Variants in TCF4 observed in about 807,000 individuals in gnomAD.
TCF4 encodes SL3-3 enhancer factor 2.
TCF4 carries 3 observed loss-of-function variants against 82.1 expected under a neutral mutation model. The ratio of observed to expected loss-of-function variants is 0.04; its 90% confidence interval spans 0.02 to 0.09. TCF4 has a LOEUF of 0.09. Among genes scored for constraint, TCF4 ranks in the 10% least tolerant of loss-of-function variants. TCF4 has a pLI of 1.00. For synonymous variants in TCF4, 276 were observed against 309.6 expected (o/e 0.89, Z 1.14); for missense variants, 518 against 852.7 (o/e 0.61, Z 4.89).
At chr18:55,288,981 A>T (rs564164203) in intron 8 of TCF4, among the ~76,000 whole-genome samples, 1 of 152,202 alleles carries the variant, frequency 6.6e-6, no homozygotes, top group Admixed American at 6.5e-5. Flanking sequence ...ATACTTCTTT[A>T]TATTTTTACA....
At chr18:55,407,754 T>C (rs2094166065) in intron 5 of TCF4, among the ~76,000 whole-genome samples, 1 of 152,150 alleles carries the variant, frequency 6.6e-6, no homozygotes, top group Admixed American at 6.6e-5. Context: ...TTGAGGGTGA[T>C]ATGGTTAACA....
intron 5 of TCF4, chr18:55,404,132 C>T (rs187598991): frequency 1.5e-6 from 1 of 683,580 alleles, no homozygotes; most frequent in Non-Finnish European, 1.9e-6. Flanking sequence ...CAGATTCCAC[C>T]AATAGACCCA....
At chr18:55,366,561 T>C (rs1451338158) in intron 6 of TCF4, among the ~76,000 whole-genome samples, 15 of 152,260 alleles carry the variant, frequency 9.9e-5, no homozygotes, top group Middle Eastern at 3.2e-3. Flanking sequence ...CTTAAAGGCA[T>C]GGCTTAAAAG....
At chr18:55,461,176 C>T in intron 4 of TCF4, 61 bp from the exon 5 acceptor site, 1 of 1,378,692 alleles carries the variant, frequency 7.3e-7, no homozygotes, top group Non-Finnish European at 1.0e-6. Context: ...CATAAACAAA[C>T]ATAGCTCCAC....
At chr18:55,448,261 A>G (rs2095560595) in intron 5 of TCF4, among the ~76,000 whole-genome samples, 1 of 152,220 alleles carries the variant, frequency 6.6e-6, no homozygotes, top group Non-Finnish European at 1.5e-5. Context: ...TTATTTTTCT[A>G]CAGGCGGGAA....
At chr18:55,483,659 A>G (rs2096474365) in intron 3 of TCF4, among the ~76,000 whole-genome samples, 1 of 152,188 alleles carries the variant, frequency 6.6e-6, no homozygotes, top group African/African-American at 2.4e-5. Context: ...GATTTGATAC[A>G]TATTATATAA....
At chr18:55,430,781 G>T (rs144434427) in intron 5 of TCF4, among the ~76,000 whole-genome samples, 105 of 152,336 alleles carry the variant, frequency 6.9e-4, no homozygotes, top group African/African-American at 2.4e-3. Flanking sequence ...CACTCTAGGA[G>T]ATGCCAAACT....
chr18:55,356,823 T>C (rs1174138054), intron 6 of TCF4, among the ~76,000 whole-genome samples: 1 of 152,216 alleles, frequency 6.6e-6, no homozygotes, highest in Non-Finnish European at 1.5e-5. Flanking sequence ...ATGCACTCCA[T>C]AGGTTTGGTT....
chr18:55,338,699 T>C (rs531337626), intron 8 of TCF4, among the ~76,000 whole-genome samples: 115 of 152,126 alleles, frequency 7.6e-4, no homozygotes, highest in African/African-American at 2.7e-3. Context: ...TGAAGTATTC[T>C]CCCCCCCACA....
At chr18:55,578,622 A>T (rs983456001) in intron 3 of TCF4, among the ~76,000 whole-genome samples, 13 of 152,108 alleles carry the variant, frequency 8.5e-5, no homozygotes, top group African/African-American at 2.9e-4. Flanking sequence ...TCAAAGAGAC[A>T]TTCTGGCACA....
At chr18:55,455,052 T>C (rs1246114367) in intron 5 of TCF4, among the ~76,000 whole-genome samples, 1 of 151,006 alleles carries the variant, frequency 6.6e-6, no homozygotes, top group East Asian at 1.9e-4. Flanking sequence ...CCAGATGTGG[T>C]GGTGTACACC....
chr18:55,520,598 G>A (rs1376640330), intron 3 of TCF4, among the ~76,000 whole-genome samples: 6 of 152,120 alleles, frequency 3.9e-5, no homozygotes, highest in African/African-American at 1.4e-4. Flanking sequence ...AAAGCTGATT[G>A]AGTTACATTT....
intron 2 of TCF4, among the ~76,000 whole-genome samples, chr18:55,627,383 A>C (rs2147998027): frequency 1.3e-5 from 2 of 152,280 alleles, no homozygotes; most frequent in South Asian, 4.1e-4. Flanking sequence ...CATGAAAAAA[A>C]GTCTCATAGA....
chr18:55,339,589 T>C (rs2147929281), intron 8 of TCF4, among the ~76,000 whole-genome samples: 1 of 152,284 alleles, frequency 6.6e-6, no homozygotes, highest in Non-Finnish European at 1.5e-5. Context: ...CCGAGGAATC[T>C]AACTCAGTGC....
In TCF4 at chr18:55,581,932, T is replaced by C. The variant is rs2097578840; in HGVS notation, c.145+3348A>G. ...AGTCACAGGGGAAAAAGCTCAACTTTTAAACTAAGGGAGAAAGATGTAGTA... is the reference window on the plus strand; with the variant it reads ...AGTCACAGGGGAAAAAGCTCAACTTCTAAACTAAGGGAGAAAGATGTAGTA... On this transcript the variant is annotated intron_variant, in intron 3 of 19. Coordinates refer to ENST00000354452, the MANE Select transcript of TCF4 (RefSeq NM_001083962.2). Among the ~76,000 whole-genome samples, 3 of 152,046 alleles carry C rather than the reference T, an allele frequency of 2.0e-5. No individual in the cohort carries two copies. In the South Asian group the frequency reaches 6.2e-4, roughly 32 times the overall value.
At chr18:55,241,119 C>G (rs550270043) in intron 15 of TCF4, among the ~76,000 whole-genome samples, 1 of 152,214 alleles carries the variant, frequency 6.6e-6, no homozygotes, top group African/African-American at 2.4e-5. Flanking sequence ...TGAAACTCCC[C>G]TGGATGTTCA....
intron 8 of TCF4, chr18:55,321,801 CCTT>C: frequency 6.6e-7 from 1 of 1,511,504 alleles, no homozygotes. Context: ...ACTCGCTGTC[CCTT>C]TTTTCACAAC....
intron 12 of TCF4, among the ~76,000 whole-genome samples, chr18:55,260,728 T>C (rs1476907721): frequency 6.6e-6 from 1 of 152,008 alleles, no homozygotes; most frequent in East Asian, 1.9e-4. Context: ...CCTAGTTAAT[T>C]TTCATGTTTT....
At chr18:55,465,600 A>G (rs2095998555) in intron 3 of TCF4, among the ~76,000 whole-genome samples, 1 of 152,124 alleles carries the variant, frequency 6.6e-6, no homozygotes, top group Non-Finnish European at 1.5e-5. Context: ...AACCTTCCCC[A>G]GATCTGCTGT....
Sources: allele counts gnomAD v4.1 joint callset (sites outside exome capture counted in the v4.1 genomes callset), GRCh38; gene constraint gnomAD v4.1.1; transcripts MANE v1.5; gene names NCBI Gene and HGNC (gene_info 2026-07-23, HGNC 2026-07-21).